Variants in OGDH observed in about 807,000 individuals in gnomAD.
OGDH encodes the protein 2-oxoglutarate dehydrogenase complex component E1.
OGDH carries 38 observed loss-of-function variants against 116.6 expected under a neutral mutation model. That is an observed-to-expected ratio of 0.33 (90% CI 0.25 to 0.43). OGDH has a LOEUF of 0.43. OGDH is among the 20% of genes least tolerant of loss of function. The pLI is 1.00. For missense variants in OGDH, 825 were observed against 1,357.2 expected (o/e 0.61, Z 6.16); for synonymous variants, 488 against 533.3 (o/e 0.92, Z 1.17).
At chr7:44,676,747 C>T (rs1244366981) in intron 9 of OGDH, among the ~76,000 whole-genome samples, 2 of 151,888 alleles carry the variant, frequency 1.3e-5, no homozygotes, top group African/African-American at 4.8e-5. Context: ...TTGCTTTTGT[C>T]TTCACCAAAT....
chr7:44,653,630 A>G (rs1020190951), intron 4 of OGDH, among the ~76,000 whole-genome samples: 2 of 151,950 alleles, frequency 1.3e-5, no homozygotes, highest in African/African-American at 2.4e-5. Context: ...GATTCAACCA[A>G]TTCTCCTGCC....
chr7:44,664,057 G>A (rs73692177), intron 4 of OGDH, among the ~76,000 whole-genome samples: 4,107 of 152,244 alleles, frequency 0.027, 181 homozygotes, highest in African/African-American at 0.093. Flanking sequence ...CATTCACTAT[G>A]AGATATTCCT....
intron 5 of OGDH, among the ~76,000 whole-genome samples, chr7:44,670,508 T>C (rs892023842): frequency 6.6e-6 from 1 of 152,180 alleles, no homozygotes; most frequent in Non-Finnish European, 1.5e-5. Context: ...CCATGTCTTC[T>C]TGAATGGGTT....
chr7:44,639,651 T>A (rs1680990746), intron 2 of OGDH, among the ~76,000 whole-genome samples: 1 of 152,200 alleles, frequency 6.6e-6, no homozygotes, highest in South Asian at 2.1e-4. Context: ...AACCTTTTAG[T>A]ATACCTCCAG....
At chr7:44,690,933 T>C (rs370601755) in intron 10 of OGDH, among the ~76,000 whole-genome samples, 10 of 149,822 alleles carry the variant, frequency 6.7e-5, no homozygotes, top group African/African-American at 2.2e-4. Flanking sequence ...TGATACACCA[T>C]TTTTTTTTTA....
At chr7:44,628,924 C>T (rs533453930) in intron 2 of OGDH, among the ~76,000 whole-genome samples, 1 of 152,212 alleles carries the variant, frequency 6.6e-6, no homozygotes, top group African/African-American at 2.4e-5. Context: ...GCCCATCTGC[C>T]ATCTCCCTTT....
chr7:44,681,852 C>A lies in OGDH; in HGVS notation c.1335+4C>A. The stretch of plus-strand genomic sequence containing the variant: ...GCACGTGGTCGTCAACAACCAGGTA[C>A]CTCACACCAGCCTGCGGCTTTGCTG... On this transcript the variant is annotated splice_donor_region_variant and intron_variant, in intron 10 of 22. Transcript: ENST00000222673. 1 of 1,614,080 alleles carries A rather than the reference C, an allele frequency of 6.2e-7. No individual in the cohort carries two copies. Among genetic ancestry groups the A allele is most frequent in the Non-Finnish European group, 8.5e-7 (1 of 1,179,966 alleles).
chr7:44,635,496 A>C (rs1161329543), intron 2 of OGDH, among the ~76,000 whole-genome samples: 1 of 152,076 alleles, frequency 6.6e-6, no homozygotes, highest in Non-Finnish European at 1.5e-5. Context: ...AAGGGTAGCT[A>C]CGTGGGTGGG....
At chr7:44,641,209 CT>C (rs781147896) in intron 2 of OGDH, among the ~76,000 whole-genome samples, 5,519 of 108,584 alleles carry the variant, frequency 0.051, 131 homozygotes, top group East Asian at 0.12. Context: ...CCTTTTTCTT[CT>C]TTTTTTTTTT....
At chr7:44,654,109 T>C (rs1786579382) in intron 4 of OGDH, among the ~76,000 whole-genome samples, 1 of 151,928 alleles carries the variant, frequency 6.6e-6, no homozygotes, top group African/African-American at 2.4e-5. Flanking sequence ...CCTGCTTTGG[T>C]CTCCCAAAGT....
intron 1 of OGDH, among the ~76,000 whole-genome samples, chr7:44,616,509 C>G (rs997881730): frequency 2.3e-4 from 35 of 151,986 alleles, no homozygotes; most frequent in African/African-American, 8.4e-4. Flanking sequence ...TTGGAAGTTA[C>G]CAGTTGACCG....
intron 1 of OGDH, among the ~76,000 whole-genome samples, chr7:44,614,594 G>A (rs1406054393): frequency 1.3e-5 from 2 of 151,926 alleles, no homozygotes; most frequent in East Asian, 3.9e-4. Context: ...CCATGCTAAA[G>A]CTTTTTTCTT....
intron 9 of OGDH, among the ~76,000 whole-genome samples, chr7:44,677,995 A>G (rs1377082713): frequency 2.6e-5 from 4 of 152,116 alleles, no homozygotes; most frequent in Non-Finnish European, 4.4e-5. Context: ...AACTGTCATC[A>G]TAGGTAATGG....
At chr7:44,645,289 G>A (rs899190664) in intron 2 of OGDH, 38 bp from the exon 3 acceptor site, 39 of 1,583,326 alleles carry the variant, frequency 2.5e-5, no homozygotes, top group South Asian at 3.4e-5. Flanking sequence ...TGGACTTAGG[G>A]GAGCAGTGAG....
Position 44,611,264 on chromosome 7 carries a change from G to A in OGDH, c.-28+4611G>A, listed in dbSNP as rs1437972406. Reference sequence around the variant, plus strand: ...TGCCTGGCTAATTTTTGTATTTTTTGTTTTTTGGTTTTTTGAGACGGAGTC... The same window carrying A: ...TGCCTGGCTAATTTTTGTATTTTTTATTTTTTGGTTTTTTGAGACGGAGTC... On this transcript the variant is annotated intron_variant, in intron 1 of 22. Transcript: ENST00000222673. Among the ~76,000 whole-genome samples the A allele has an allele frequency of 4.0e-5, 6 of 150,472 alleles. No individual in the cohort carries two copies. In the East Asian group the frequency reaches 1.2e-3, roughly 30 times the overall value.
At chr7:44,698,875 G>A (rs2116376259) in intron 18 of OGDH, among the ~76,000 whole-genome samples, 1 of 151,872 alleles carries the variant, frequency 6.6e-6, no homozygotes, top group African/African-American at 2.4e-5. Flanking sequence ...GCTGGGTGTG[G>A]TGGCTCAAGC....
At chr7:44,631,703 C>A (rs1457586424) in intron 2 of OGDH, among the ~76,000 whole-genome samples, 2 of 152,202 alleles carry the variant, frequency 1.3e-5, no homozygotes, top group Admixed American at 1.3e-4. Context: ...GTGTTCGAAG[C>A]TTGTGCTGAG....
intron 1 of OGDH, among the ~76,000 whole-genome samples, chr7:44,620,684 C>G (rs1221089743): frequency 3.9e-5 from 6 of 151,982 alleles, no homozygotes; most frequent in Non-Finnish European, 8.8e-5. Context: ...ACATGTGGCC[C>G]AGGACAGCTT....
intron 12 of OGDH, among the ~76,000 whole-genome samples, chr7:44,695,563 C>T (rs1286241576): frequency 6.6e-6 from 1 of 152,008 alleles, no homozygotes; most frequent in Non-Finnish European, 1.5e-5. Flanking sequence ...ATTTGCTGGG[C>T]GTGGTGGCAC....
Sources: allele counts gnomAD v4.1 joint callset (sites outside exome capture counted in the v4.1 genomes callset), GRCh38; gene constraint gnomAD v4.1.1; transcripts MANE v1.5; gene names NCBI Gene and HGNC (gene_info 2026-07-23, HGNC 2026-07-21).